ANGPT1: variants seen among roughly 807,000 people sequenced by gnomAD.
ANGPT1 encodes the protein angiopoietin 1.
A neutral mutation model predicts 62.2 loss-of-function variants in ANGPT1; 17 were observed. The ratio of observed to expected loss-of-function variants is 0.27; its 90% CI spans 0.19 to 0.41. The LOEUF (loss-of-function observed/expected upper bound fraction) is 0.41. ANGPT1 is among the 10% of genes least tolerant of loss of function. The pLI, the probability that ANGPT1 is intolerant of heterozygous loss-of-function variation, is 1.00. For missense variants in ANGPT1, 478 were observed against 594.9 expected, an observed-to-expected ratio of 0.80 and a Z score of 2.04; for synonymous variants, 199 against 198.9, an observed-to-expected ratio of 1.00 and a Z score of 0.00.
intron 1 of ANGPT1, among the ~76,000 whole-genome samples, chr8:107,414,815 A>C (rs1024436219): frequency 1.3e-5 from 2 of 152,182 alleles, no homozygotes; most frequent in East Asian, 3.9e-4. Flanking sequence ...TTTGTCTGCT[A>C]AAGGGAGAGG....
At chr8:107,443,620 C>T (rs1257839196) in intron 1 of ANGPT1, among the ~76,000 whole-genome samples, 2 of 149,548 alleles carry the variant, frequency 1.3e-5, no homozygotes, top group African/African-American at 2.5e-5. Flanking sequence ...ACCAGCCTGA[C>T]CAACATGGAG....
chr8:107,299,697 A>T (rs1469221952), intron 5 of ANGPT1, among the ~76,000 whole-genome samples: 1 of 135,450 alleles, frequency 7.4e-6, no homozygotes, highest in Non-Finnish European at 1.6e-5. Context: ...GATACATACT[A>T]TACTATACTA....
At chr8:107,253,570 T>C (rs58785722) in intron 8 of ANGPT1, among the ~76,000 whole-genome samples, 5,626 of 152,286 alleles carry the variant, frequency 0.037, 321 homozygotes, top group African/African-American at 0.12. Flanking sequence ...GTCTTTCAAA[T>C]ATGCACCATG....
intron 1 of ANGPT1, among the ~76,000 whole-genome samples, chr8:107,389,577 A>C (rs1306969513): frequency 6.6e-6 from 1 of 152,158 alleles, no homozygotes; most frequent in Non-Finnish European, 1.5e-5. Context: ...TCACATCTCC[A>C]GATTTGAGAA....
intron 1 of ANGPT1, among the ~76,000 whole-genome samples, chr8:107,481,779 C>A (rs1812694197): frequency 6.6e-6 from 1 of 152,070 alleles, no homozygotes. Context: ...GGGGAAGCCC[C>A]TTATAAAACC....
At chr8:107,257,899 G>GTT (rs1563537355) in intron 8 of ANGPT1, among the ~76,000 whole-genome samples, 3 of 93,366 alleles carry the variant, frequency 3.2e-5, no homozygotes. Flanking sequence ...TTGTTTGTTT[G>GTT]TTTGTTTGTT....
At position 107,336,268 on chromosome 8, in the gene ANGPT1, G is replaced by T; in HGVS notation, c.457C>A (p.Leu153Ile). Residue 153 changes from leucine (L) to isoleucine (I), a missense_variant, in exon 3 of 9, where the codon CTA becomes ATA. Transcript: ENST00000517746. Reference protein sequence around the residue: ...RKLTDVETQVLNQTSRLEIQL... With the variant: ...RKLTDVETQVINQTSRLEIQL... ...ATCTCAAGTCGAGAAGTTTGATTTA[G>T]TACCTTAAGATAAAAGATGAAAATA... is the stretch of plus-strand genomic sequence containing the variant. 6.3e-7 allele frequency: 1 copy of T among 1,592,288 alleles called. No individual in the cohort carries two copies.
intron 1 of ANGPT1, among the ~76,000 whole-genome samples, chr8:107,435,407 C>T (rs1433185): frequency 0.4 from 60,569 of 152,004 alleles, 12,360 homozygotes; most frequent in Middle Eastern, 0.5. Flanking sequence ...TAGACAAATG[C>T]TTCTCAAAAT....
Position 107,259,568 on chromosome 8 carries a change from G to T in ANGPT1, c.1336+4653C>A, listed in dbSNP as rs572103078. On this transcript the variant is annotated intron_variant, in intron 8 of 8. Transcript: ENST00000517746. ...TCTACTTCAATAGATTCTTTCTACA[G>T]AAAGTTAGGTCACATTTTTACATAG... Among the ~76,000 whole-genome samples the T allele has an allele frequency of 2.1e-3, 319 of 152,184 alleles. 3 individuals are homozygous for T. The highest frequency in any genetic ancestry group is 6.8e-3 in the Middle Eastern group (2 of 294).
At chr8:107,361,383 AG>A (rs1816158064) in intron 1 of ANGPT1, among the ~76,000 whole-genome samples, 1 of 150,522 alleles carries the variant, frequency 6.6e-6, no homozygotes, top group African/African-American at 2.4e-5. Context: ...TTATGCTTAA[AG>A]AAAATTTGCA....
chr8:107,335,584 T>A (rs982721680), intron 3 of ANGPT1, among the ~76,000 whole-genome samples: 8 of 152,202 alleles, frequency 5.3e-5, no homozygotes, highest in African/African-American at 1.7e-4. Context: ...TCTATAAAGC[T>A]AACCAAAGAA....
At chr8:107,335,332 C>G (rs545296475) in intron 3 of ANGPT1, among the ~76,000 whole-genome samples, 1 of 152,204 alleles carries the variant, frequency 6.6e-6, no homozygotes, top group Non-Finnish European at 1.5e-5. Flanking sequence ...ATACCATGGT[C>G]TTCACCTCAA....
intron 1 of ANGPT1, among the ~76,000 whole-genome samples, chr8:107,467,660 G>A (rs1812238129): frequency 6.6e-6 from 1 of 152,084 alleles, no homozygotes; most frequent in Admixed American, 6.6e-5. Context: ...TCTGTGTTCA[G>A]TCCTGAAGAT....
At chr8:107,436,850 A>G (rs1278747568) in intron 1 of ANGPT1, among the ~76,000 whole-genome samples, 1 of 152,226 alleles carries the variant, frequency 6.6e-6, no homozygotes, top group East Asian at 1.9e-4. Context: ...TCCTGGATAC[A>G]TATGGGAGAA....
At chr8:107,444,749 C>T (rs1586327853) in intron 1 of ANGPT1, among the ~76,000 whole-genome samples, 2 of 152,166 alleles carry the variant, frequency 1.3e-5, no homozygotes, top group African/African-American at 4.8e-5. Flanking sequence ...GTGAAAAAAT[C>T]ACTTACCCTG....
intron 1 of ANGPT1, among the ~76,000 whole-genome samples, chr8:107,471,204 A>T (rs1235472444): frequency 6.6e-6 from 1 of 152,206 alleles, no homozygotes; most frequent in East Asian, 1.9e-4. Context: ...ACCATGGAAT[A>T]CTATGCAACC....
At chr8:107,497,169 AT>A in intron 1 of ANGPT1, 92 bp downstream of exon 1, 1 of 1,405,722 alleles carries the variant, frequency 7.1e-7, no homozygotes. Flanking sequence ...CAAAAGGTAA[AT>A]ACACAAATGC....
chr8:107,380,338 C>T (rs185595811), intron 1 of ANGPT1, among the ~76,000 whole-genome samples: 25 of 144,946 alleles, frequency 1.7e-4, no homozygotes, highest in Non-Finnish European at 3.2e-4. Flanking sequence ...GTTTATTGAG[C>T]GTTTATCATG....
rs1468400651 is a variant in ANGPT1, at chr8:107,251,598, T to G, written c.*257A>C. 5.0e-6 allele frequency: 2 copies of G among 396,612 alleles called. No individual in the cohort carries two copies. The highest frequency in any genetic ancestry group is 8.1e-5 in the East Asian group (2 of 24,608). The allele number at this position is 396,612 out of a possible 1,614,324, so 24.6% of individuals were successfully genotyped here. ...GAAGCACAGCAAGCTCAGCAGTTTC[T>G]TCCCTTTTTAAAGCCCGACAGTCAG... On this transcript the variant is annotated 3_prime_UTR_variant, in exon 9 of 9. Transcript: ENST00000517746.
Sources: gnomAD v4.1 joint callset for allele counts (sites outside exome capture counted in the v4.1 genomes callset) on GRCh38, gnomAD v4.1.1 for gene constraint, MANE v1.5 for transcripts, NCBI Gene and HGNC (gene_info 2026-07-23, HGNC 2026-07-21) for gene names.